Variants in NIPBL observed in about 807,000 individuals in gnomAD.
NIPBL encodes the protein NIPBL cohesin loading factor, also known as nipped-B-like protein.
Under a neutral mutation model 321.8 loss-of-function variants are expected in NIPBL, and 19 were observed. That is an observed-to-expected ratio of 0.06 (90% CI 0.04 to 0.09). The LOEUF (loss-of-function observed/expected upper bound fraction) is 0.09. Ranked by LOEUF, NIPBL falls within the 10% of genes least tolerant of loss-of-function variation. The pLI is 1.00. For synonymous variants in NIPBL, 1,106 were observed against 1,114.1 expected, an observed-to-expected ratio of 0.99 and a Z score of 0.14; for missense variants, 2,210 against 3,327.0, an observed-to-expected ratio of 0.66 and a Z score of 8.26.
At chr5:37,052,614 T>G in intron 42 of NIPBL, 48 bp downstream of exon 42, 1 of 1,444,062 alleles carries the variant, frequency 6.9e-7, no homozygotes, top group Non-Finnish European at 9.7e-7. Context: ...CTCTAGAAAT[T>G]TTATGGATAA....
chr5:36,967,989 TGGA>T (rs964101369), intron 6 of NIPBL, among the ~76,000 whole-genome samples: 1 of 148,722 alleles, frequency 6.7e-6, no homozygotes, highest in African/African-American at 2.5e-5. Context: ...CCCAGCTATT[TGGA>T]GGCTGAGGTG....
intron 1 of NIPBL, among the ~76,000 whole-genome samples, chr5:36,919,493 C>T (rs920835319): frequency 4.0e-5 from 6 of 151,876 alleles, no homozygotes; most frequent in South Asian, 2.1e-4. Context: ...ACCACTGCAC[C>T]GAGTATTACT....
chr5:36,887,540 C>T (rs1431769948), intron 1 of NIPBL, among the ~76,000 whole-genome samples: 2 of 152,146 alleles, frequency 1.3e-5, no homozygotes, highest in African/African-American at 4.8e-5. Flanking sequence ...TTTGAAACAG[C>T]TTCATCTCTG....
At chr5:36,907,376 A>G (rs972773582) in intron 1 of NIPBL, among the ~76,000 whole-genome samples, 46 of 152,308 alleles carry the variant, frequency 3.0e-4, no homozygotes, top group Admixed American at 2.2e-3. Context: ...ACTGTAATAC[A>G]TGTTCATTAT....
chr5:36,985,799 A>G lies in NIPBL; in HGVS notation c.2619A>G (p.Glu873=), dbSNP rs1439005372. 2 of 1,613,988 alleles carry G rather than the reference A, an allele frequency of 1.2e-6. No homozygotes were observed. Among genetic ancestry groups the G allele is most frequent in the South Asian group, 1.1e-5 (1 of 91,080 alleles). ...TDKLERKHRH[E]SGDSRERPSS... Reference sequence around the variant, plus strand: ...AACTAGAACGAAAACACAGGCATGAATCAGGGGACTCAAGGGAAAGACCAT... The same window carrying G: ...AACTAGAACGAAAACACAGGCATGAGTCAGGGGACTCAAGGGAAAGACCAT... Residue 873 remains glutamate (E), a synonymous_variant, in exon 10 of 47, where the codon GAA becomes GAG. Coordinates refer to ENST00000282516, the MANE Select transcript of NIPBL (RefSeq NM_133433.4).
At chr5:37,013,841 A>G (rs1341082420) in intron 21 of NIPBL, among the ~76,000 whole-genome samples, 2 of 152,190 alleles carry the variant, frequency 1.3e-5, no homozygotes, top group African/African-American at 4.8e-5. Flanking sequence ...CGGCACTTTG[A>G]GAGGCCAAGG....
Position 36,995,783 on chromosome 5 carries a change from G to A in NIPBL, c.3283G>A (p.Asp1095Asn). Reference protein sequence around the residue: ...YAEISSDEDNDSDEAFESSRK... With the variant: ...YAEISSDEDNNSDEAFESSRK... ...TGAAATCAGTTCAGATGAAGATAAT[G>A]ATAGTGATGAAGCTTTTGAATGTAA... Residue 1095 changes from aspartate (D) to asparagine (N), a missense_variant, in exon 11 of 47, where the codon GAT (aspartate) becomes AAT (asparagine). Around this residue, in one of 14 missense-constraint regions of NIPBL, gnomAD observed 381 missense variants for 642.3 expected, o/e 0.59. Transcript: ENST00000282516. 1 of 1,613,408 alleles carries A rather than the reference G, an allele frequency of 6.2e-7. No homozygotes were observed. Among genetic ancestry groups the A allele is most frequent in the Non-Finnish European group, 8.5e-7 (1 of 1,179,450 alleles).
At chr5:36,982,288 T>A in intron 9 of NIPBL, 1 of 864,442 alleles carries the variant, frequency 1.2e-6, no homozygotes, top group Non-Finnish European at 1.4e-6. Context: ...TATTAGGTGG[T>A]TATGATGTAA....
chr5:36,958,983 G>A (rs1741294810), intron 4 of NIPBL, among the ~76,000 whole-genome samples: 1 of 152,084 alleles, frequency 6.6e-6, no homozygotes. Context: ...GAGGCAGGTG[G>A]ATTGCCTCAG....
At chr5:36,901,324 A>G (rs1285719682) in intron 1 of NIPBL, among the ~76,000 whole-genome samples, 3 of 151,764 alleles carry the variant, frequency 2.0e-5, no homozygotes, top group Non-Finnish European at 4.4e-5. Context: ...TATGTACCAT[A>G]TTTTCTTTAT....
chr5:36,880,734 C>T (rs950094111), intron 1 of NIPBL, among the ~76,000 whole-genome samples: 1 of 151,894 alleles, frequency 6.6e-6, no homozygotes, highest in East Asian at 1.9e-4. Flanking sequence ...CAAAGTTTTT[C>T]GTTTTTTCAG....
rs1379738315 is a variant in NIPBL, at chr5:36,976,159, C to CATG, written c.1253_1254insTGA (p.Gln418delinsHisGlu). The CATG allele has an allele frequency of 1.9e-6, 3 of 1,612,946 alleles. No individual in the cohort carries two copies. Among genetic ancestry groups the CATG allele is most frequent in the Non-Finnish European group, 2.5e-6 (3 of 1,179,318 alleles). ...TATAAACCGCCCACTAAATGCTGCT[C>CATG]AATGTTTGTCGCAGCAAGAACAAAC... On this transcript the variant is annotated protein_altering_variant, in exon 9 of 47. Transcript: ENST00000282516.
At position 37,045,521 on chromosome 5, in the gene NIPBL, T is replaced by C; in HGVS notation, c.6422T>C (p.Leu2141Pro). 1 of 1,614,160 alleles carries C rather than the reference T, an allele frequency of 6.2e-7. No individual in the cohort carries two copies. The highest frequency in any genetic ancestry group is 8.5e-7 in the Non-Finnish European group (1 of 1,180,020). ...TSLLTNKPAL[L>P]RSLFTVGALC... ...CTTCTAACAAACAAACCAGCACTTC[T>C]TAGATCCCTTTTCACCGTTGGAGCA... Residue 2141 changes from leucine (L) to proline (P), a missense_variant, in exon 37 of 47, where the codon CTT becomes CCT. Leu to Pro is a moderately conservative substitution (Grantham distance 98, BLOSUM62 -3). Around this residue, in one of 14 missense-constraint regions of NIPBL, gnomAD observed 73 missense variants for 222.3 expected, o/e 0.33. Transcript: ENST00000282516.
chr5:36,888,615 T>C (rs1746092521), intron 1 of NIPBL, among the ~76,000 whole-genome samples: 1 of 152,150 alleles, frequency 6.6e-6, no homozygotes. Flanking sequence ...ATTCAGGTGC[T>C]AAGCATGCAC....
chr5:36,998,034 T>C (rs1477978530), intron 11 of NIPBL, among the ~76,000 whole-genome samples: 3 of 152,056 alleles, frequency 2.0e-5, no homozygotes, highest in Non-Finnish European at 4.4e-5. Flanking sequence ...ATAGCACAAA[T>C]ATAAGGTCAC....
chr5:37,058,792 T>C (rs557741891), intron 43 of NIPBL, 99 bp from the exon 44 acceptor site: 5 of 991,980 alleles, frequency 5.0e-6, no homozygotes, highest in Middle Eastern at 2.2e-4. Context: ...TTATAAAATA[T>C]TAGTTTAAGG....
At chr5:36,893,848 G>C (rs1164023010) in intron 1 of NIPBL, among the ~76,000 whole-genome samples, 1 of 152,154 alleles carries the variant, frequency 6.6e-6, no homozygotes, top group African/African-American at 2.4e-5. Flanking sequence ...TAGCGAGGAC[G>C]TAGAATTGAG....
At chr5:36,955,373 T>G in intron 2 of NIPBL, 99 bp from the exon 3 acceptor site, 9 of 1,008,144 alleles carry the variant, frequency 8.9e-6, no homozygotes, top group Non-Finnish European at 1.2e-5. Flanking sequence ...TTTGTCACAT[T>G]GATATTTATA....
chr5:36,909,736 A>G (rs1561374681), intron 1 of NIPBL, among the ~76,000 whole-genome samples: 2 of 152,164 alleles, frequency 1.3e-5, no homozygotes, highest in Non-Finnish European at 2.9e-5. Context: ...AGGAACCAGG[A>G]CTCTATATCC....
Sources: gnomAD v4.1 joint callset for allele counts (sites outside exome capture counted in the v4.1 genomes callset) on GRCh38, gnomAD v4.1.1 for gene constraint, gnomAD v4.1.1 regional missense constraint, MANE v1.5 for transcripts, NCBI Gene and HGNC (gene_info 2026-07-23, HGNC 2026-07-21) for gene names.